ZEB2: variants seen among roughly 807,000 people sequenced by gnomAD.
ZEB2 encodes zinc finger E-box binding homeobox 2, also known as zinc finger E-box-binding homeobox 2.
A neutral mutation model predicts 99.9 loss-of-function variants in ZEB2; 6 were observed. The ratio of observed to expected loss-of-function variants is 0.06; its 90% CI spans 0.03 to 0.12. The LOEUF is 0.12. ZEB2 is among the 10% of genes least tolerant of loss of function. The pLI, the probability that ZEB2 is intolerant of heterozygous loss-of-function variation, is 1.00. For synonymous variants in ZEB2, 517 were observed against 542.5 expected, an observed-to-expected ratio of 0.95 and a Z score of 0.65; for missense variants, 969 against 1,502.8, an observed-to-expected ratio of 0.64 and a Z score of 5.87.
chr2:144,436,845 G>T (rs1703845715), intron 2 of ZEB2, among the ~76,000 whole-genome samples: 1 of 152,070 alleles, frequency 6.6e-6, no homozygotes. Flanking sequence ...AACAGATATT[G>T]GTCGAAGAAT....
intron 2 of ZEB2, among the ~76,000 whole-genome samples, chr2:144,455,456 T>C (rs1174954581): frequency 6.6e-6 from 1 of 152,120 alleles, no homozygotes; most frequent in Non-Finnish European, 1.5e-5. Flanking sequence ...AAATTAAGAG[T>C]TGATTTTATA....
At chr2:144,495,524 T>A (rs1704746089) in intron 2 of ZEB2, 1 of 152,242 alleles carries the variant, frequency 6.6e-6, no homozygotes. Context: ...TAGACACACC[T>A]ACCAGTACAA....
At chr2:144,405,308 T>C (rs1703371883) in intron 4 of ZEB2, 1 of 373,694 alleles carries the variant, frequency 2.7e-6, no homozygotes, top group Non-Finnish European at 4.8e-6. Flanking sequence ...AAATTTAAAA[T>C]GTTTTTCATA....
chr2:144,403,346 C>T (rs1703337926), intron 6 of ZEB2, among the ~76,000 whole-genome samples: 1 of 151,970 alleles, frequency 6.6e-6, no homozygotes, highest in Non-Finnish European at 1.5e-5. Context: ...GTACATCCAA[C>T]GTTTTAGTAC....
intron 2 of ZEB2, among the ~76,000 whole-genome samples, chr2:144,515,207 A>AC (rs1460198939): frequency 6.6e-6 from 1 of 152,148 alleles, no homozygotes; most frequent in Non-Finnish European, 1.5e-5. Flanking sequence ...CTCTCAAAAA[A>AC]AAAAAATGAC....
intron 4 of ZEB2, among the ~76,000 whole-genome samples, chr2:144,419,909 T>TA (rs552680556): frequency 4.3e-4 from 65 of 150,322 alleles, no homozygotes; most frequent in Middle Eastern, 3.4e-3. Flanking sequence ...ACTTTGTTGT[T>TA]AAAAAAAAAA....
chr2:144,462,972 T>A (rs939285374), intron 2 of ZEB2: 2 of 152,136 alleles, frequency 1.3e-5, no homozygotes, highest in African/African-American at 4.8e-5. Context: ...AATATGGGGA[T>A]TTGGTAAATT....
intron 2 of ZEB2, among the ~76,000 whole-genome samples, chr2:144,460,028 G>T (rs1242339944): frequency 6.6e-6 from 1 of 152,142 alleles, no homozygotes; most frequent in Non-Finnish European, 1.5e-5. Context: ...AAAGGTTAAG[G>T]TTGGCCAGGG....
intron 4 of ZEB2, among the ~76,000 whole-genome samples, chr2:144,420,366 A>C (rs889069613): frequency 1.3e-5 from 2 of 152,102 alleles, no homozygotes; most frequent in African/African-American, 4.8e-5. Flanking sequence ...AGTAGCTGAG[A>C]TTATGGGCCA....
chr2:144,467,601 TG>T lies in ZEB2; in HGVS notation c.74-37576del, dbSNP rs575478936. Among the ~76,000 whole-genome samples the T allele has an allele frequency of 3.8e-3, 577 of 152,290 alleles. 3 individuals carry two copies. The highest frequency in any genetic ancestry group is 6.1e-3 in the Non-Finnish European group (414 of 68,022). The stretch of plus-strand genomic sequence containing the variant: ...AGAATCCCAGTCAACTAATAAATAT[TG>T]CAATTATTGACACACTCTCCTTCAT... On this transcript the variant is annotated intron_variant, in intron 2 of 9. Coordinates refer to ENST00000627532, the MANE Select transcript of ZEB2 (RefSeq NM_014795.4).
intron 2 of ZEB2, among the ~76,000 whole-genome samples, chr2:144,445,304 G>A (rs537952466): frequency 2.4e-5 from 3 of 123,448 alleles, no homozygotes; most frequent in Non-Finnish European, 4.8e-5. Context: ...AGGCATGAAA[G>A]TGAGTAAGTG....
intron 2 of ZEB2, among the ~76,000 whole-genome samples, chr2:144,485,721 C>G (rs1704584659): frequency 1.3e-5 from 2 of 152,118 alleles, no homozygotes. Context: ...TGGGTTCAAG[C>G]TGTTCTCCTG....
At chr2:144,472,765 G>A (rs955360259) in intron 2 of ZEB2, among the ~76,000 whole-genome samples, 5 of 152,120 alleles carry the variant, frequency 3.3e-5, no homozygotes, top group Non-Finnish European at 5.9e-5. Flanking sequence ...CCAGGAACAT[G>A]TATACCATGA....
In ZEB2 at chr2:144,520,057, A is replaced by G. The variant is rs1307903967; in HGVS notation, c.-188T>C. The G allele has an allele frequency of 2.2e-6, 1 of 454,468 alleles. No individual in the cohort carries two copies. Among genetic ancestry groups the G allele is most frequent in the African/African-American group, 2.0e-5 (1 of 50,020 alleles). 28.2% of individuals were successfully genotyped at this position (454,468 alleles called of 1,614,324 possible). A position where few individuals can be genotyped will look rare whatever the true frequency, so the allele number is the denominator to read the frequency against. Reference sequence around the variant, plus strand: ...AGAAACAGCTCCCGGAGCAAACTGTACAAAAACCTCGCCAAGAGTGTCGGG... The same window carrying G: ...AGAAACAGCTCCCGGAGCAAACTGTGCAAAAACCTCGCCAAGAGTGTCGGG... On this transcript the variant is annotated 5_prime_UTR_variant, in exon 1 of 10. Coordinates refer to ENST00000627532, the MANE Select transcript of ZEB2 (RefSeq NM_014795.4).
At chr2:144,441,860 A>G (rs1387839441) in intron 2 of ZEB2, among the ~76,000 whole-genome samples, 1 of 152,224 alleles carries the variant, frequency 6.6e-6, no homozygotes, top group African/African-American at 2.4e-5. Flanking sequence ...TTATCTTATG[A>G]AGTATTGATA....
Position 144,396,397 on chromosome 2 carries a change from CAA to C in ZEB2, c.3067+13_3067+14del. 6.2e-7 allele frequency: 1 copy of C among 1,612,546 alleles called. No homozygotes were observed. ...GGACGGGAAGCTCTAACCAGTTAGG[CAA>C]AGTCACTCATACCTGTGTGTTCGTA... On this transcript the variant is annotated intron_variant, in intron 9 of 9. Transcript: ENST00000627532.
Position 144,385,759 on chromosome 2 carries a change from C to G in ZEB2, c.*3692G>C, listed in dbSNP as rs1455500298. On this transcript the variant is annotated 3_prime_UTR_variant, in exon 10 of 10. Coordinates refer to ENST00000627532, the MANE Select transcript of ZEB2 (RefSeq NM_014795.4). ...ACATGTAAACTTATTATTGGGCAGT[C>G]TCCTCAAATTTGTGACTAAGATTTG... 6.6e-6 allele frequency: 1 copy of G among 152,124 alleles called. No homozygotes were observed. The highest frequency in any genetic ancestry group is 2.4e-5 in the African/African-American group (1 of 41,416). The allele number at this position is 152,124 out of a possible 1,614,324, so 9.4% of individuals were successfully genotyped here.
chr2:144,453,631 C>A (rs533876864), intron 2 of ZEB2, among the ~76,000 whole-genome samples: 1 of 152,088 alleles, frequency 6.6e-6, no homozygotes, highest in Admixed American at 6.5e-5. Context: ...TGTCTGAGTG[C>A]ACTTAGGTGA....
At chr2:144,405,090 C>G in intron 4 of ZEB2, 66 bp from the exon 5 acceptor site, 2 of 1,518,028 alleles carry the variant, frequency 1.3e-6, no homozygotes, top group Non-Finnish European at 1.8e-6. Context: ...AAGTCCATCT[C>G]CATCATAGCC....
Sources: gnomAD v4.1 joint callset for allele counts (sites outside exome capture counted in the v4.1 genomes callset) on GRCh38, gnomAD v4.1.1 for gene constraint, MANE v1.5 for transcripts, NCBI Gene and HGNC (gene_info 2026-07-23, HGNC 2026-07-21) for gene names.